Variants in MAP3K13 observed in about 807,000 individuals in gnomAD.
The protein encoded by MAP3K13 is leucine zipper-bearing kinase.
Under a neutral mutation model 104.0 loss-of-function variants are expected in MAP3K13, and 52 were observed. The ratio of observed to expected loss-of-function variants is 0.50; its 90% confidence interval spans 0.40 to 0.63. The LOEUF (loss-of-function observed/expected upper bound fraction) is 0.63. MAP3K13 is among the 20% of genes least tolerant of loss of function. The probability of loss-of-function intolerance (pLI) is 0.00; values close to 1 mark genes in which losing one functional copy is unlikely to be tolerated. For synonymous variants in MAP3K13, 394 were observed against 442.2 expected, an observed-to-expected ratio of 0.89 and a Z score of 1.37; for missense variants, 914 against 1,218.5, an observed-to-expected ratio of 0.75 and a Z score of 3.72.
chr3:185,402,633 T>A (rs912783054), intron 1 of MAP3K13, among the ~76,000 whole-genome samples: 2 of 152,226 alleles, frequency 1.3e-5, no homozygotes, highest in African/African-American at 2.4e-5. Flanking sequence ...CAGCATTTAT[T>A]AGGACGTAGA....
intron 2 of MAP3K13, among the ~76,000 whole-genome samples, chr3:185,288,983 T>C (rs1720636827): frequency 6.6e-6 from 1 of 152,184 alleles, no homozygotes; most frequent in African/African-American, 2.4e-5. Flanking sequence ...ACAGATTTGA[T>C]TACCTTGCAG....
chr3:185,283,519 G>A (rs1419935348), intron 1 of MAP3K13, among the ~76,000 whole-genome samples: 1 of 152,134 alleles, frequency 6.6e-6, no homozygotes, highest in African/African-American at 2.4e-5. Context: ...ACCTGTTTCT[G>A]GCTTCCCGGC....
At position 185,423,147 on chromosome 3, in the gene MAP3K13, A is replaced by G. The variant is rs1460826109; in HGVS notation, c.-85-5350A>G. Reference sequence around the variant, plus strand: ...ATTCTACATTATAGTGAGTTGTAGAATTACTTCATTATGTATTACAATGTA... The same window carrying G: ...ATTCTACATTATAGTGAGTTGTAGAGTTACTTCATTATGTATTACAATGTA... On this transcript the variant is annotated intron_variant, in intron 1 of 13. Coordinates refer to ENST00000265026, the MANE Select transcript of MAP3K13 (RefSeq NM_004721.5). This position sits in a 1 kb window ranked among gnomAD's most constrained non-coding sequence, Gnocchi z 4.1. 6.6e-6 allele frequency among the ~76,000 whole-genome samples: 1 copy of G among 152,224 alleles called. No individual in the cohort carries two copies.
chr3:185,321,127 T>C (rs1721848370), intron 2 of MAP3K13, among the ~76,000 whole-genome samples: 1 of 151,258 alleles, frequency 6.6e-6, no homozygotes, highest in Non-Finnish European at 1.5e-5. Flanking sequence ...CACACACATA[T>C]ACACATGTGT....
At chr3:185,361,537 G>T (rs956997625), upstream of MAP3K13, among the ~76,000 whole-genome samples, 1 of 151,806 alleles carries the variant, frequency 6.6e-6, no homozygotes, top group African/African-American at 2.4e-5. Flanking sequence ...AGTAGCTGGG[G>T]CTACAGGCGC....
At chr3:185,440,181 T>C (rs982582741) in intron 3 of MAP3K13, among the ~76,000 whole-genome samples, 1 of 152,214 alleles carries the variant, frequency 6.6e-6, no homozygotes, top group African/African-American at 2.4e-5. Flanking sequence ...CTGTTCCTAA[T>C]GGAATTCAGT....
At chr3:185,400,246 C>T (rs1215183094) in intron 1 of MAP3K13, among the ~76,000 whole-genome samples, 1 of 152,238 alleles carries the variant, frequency 6.6e-6, no homozygotes, top group Admixed American at 6.5e-5. Flanking sequence ...CTTCCCGCCT[C>T]CCTGCGTCTG....
intron 1 of MAP3K13, among the ~76,000 whole-genome samples, chr3:185,422,556 T>G (rs1231204755): frequency 6.6e-6 from 1 of 152,228 alleles, no homozygotes; most frequent in African/African-American, 2.4e-5. Context: ...TTTTTCTAAC[T>G]TTCTGTGTAT....
chr3:185,340,197 C>T (rs924734210), intron 2 of MAP3K13, among the ~76,000 whole-genome samples: 1 of 152,030 alleles, frequency 6.6e-6, no homozygotes, highest in African/African-American at 2.4e-5. Flanking sequence ...AATATATAAT[C>T]AAAGATTTTT....
intron 7 of MAP3K13, among the ~76,000 whole-genome samples, chr3:185,455,017 G>GAGATATATATGAT (rs1553808418): frequency 1.1e-3 from 19 of 17,782 alleles, no homozygotes; most frequent in African/African-American, 2.3e-3. Flanking sequence ...AGATATATAT[G>GAGATATATATGAT]ATATATATGA....
At chr3:185,382,533 T>C (rs1251775564) in intron 1 of MAP3K13, among the ~76,000 whole-genome samples, 1 of 152,202 alleles carries the variant, frequency 6.6e-6, no homozygotes, top group Non-Finnish European at 1.5e-5. Context: ...AAACTACAGA[T>C]TGGATGTTTG....
At chr3:185,477,470 C>A in intron 12 of MAP3K13, 74 bp downstream of exon 12, 1 of 1,079,654 alleles carries the variant, frequency 9.3e-7, no homozygotes, top group Non-Finnish European at 1.4e-6. Context: ...CACACCTGCT[C>A]TTCAACCACA....
At chr3:185,408,430 G>A (rs1376946604) in intron 1 of MAP3K13, among the ~76,000 whole-genome samples, 1 of 151,910 alleles carries the variant, frequency 6.6e-6, no homozygotes, top group African/African-American at 2.4e-5. Context: ...AAATTAGCCG[G>A]GCATGGTGGC....
intron 7 of MAP3K13, among the ~76,000 whole-genome samples, chr3:185,462,868 AAAG>A (rs1156362380): frequency 4.6e-5 from 7 of 152,252 alleles, no homozygotes; most frequent in African/African-American, 7.2e-5. Context: ...TAGAAAATTT[AAAG>A]AAGTTTACAT....
At chr3:185,322,993 G>A (rs563619784) in intron 2 of MAP3K13, among the ~76,000 whole-genome samples, 108 of 151,992 alleles carry the variant, frequency 7.1e-4, no homozygotes, top group Admixed American at 1.9e-3. Context: ...CTTTCTCCAA[G>A]CCATTTTCAC....
chr3:185,337,233 T>C (rs1722538674), intron 2 of MAP3K13, among the ~76,000 whole-genome samples: 1 of 152,176 alleles, frequency 6.6e-6, no homozygotes, highest in Non-Finnish European at 1.5e-5. Context: ...TGCCATGTTG[T>C]GAGATGCGTA....
At chr3:185,326,843 A>G (rs1042850046) in intron 2 of MAP3K13, among the ~76,000 whole-genome samples, 4 of 152,224 alleles carry the variant, frequency 2.6e-5, no homozygotes, top group African/African-American at 9.6e-5. Context: ...TGCATTTATA[A>G]AAGTACAGCA....
chr3:185,440,246 G>T (rs577248605), intron 3 of MAP3K13, among the ~76,000 whole-genome samples: 2 of 152,292 alleles, frequency 1.3e-5, no homozygotes, highest in South Asian at 4.1e-4. Flanking sequence ...GTTATTTATA[G>T]CTACTAAGAA....
At chr3:185,456,055 G>A (rs1716724709) in intron 7 of MAP3K13, among the ~76,000 whole-genome samples, 1 of 150,920 alleles carries the variant, frequency 6.6e-6, no homozygotes, top group African/African-American at 2.4e-5. Flanking sequence ...CCTGCTGGAG[G>A]CTTGGAGTAC....
Sources: gnomAD v4.1 joint callset for allele counts (sites outside exome capture counted in the v4.1 genomes callset) on GRCh38, gnomAD v4.1.1 for gene constraint, Gnocchi (gnomAD v3.1) non-coding constraint, MANE v1.5 for transcripts, NCBI Gene and HGNC (gene_info 2026-07-23, HGNC 2026-07-21) for gene names.